TGFB2: variants seen among roughly 807,000 people sequenced by gnomAD.
TGFB2 encodes the protein transforming growth factor beta-2 proprotein.
Under a neutral mutation model 42.7 loss-of-function variants are expected in TGFB2, and 13 were observed. That is an observed-to-expected ratio of 0.30 (90% CI 0.20 to 0.48). The LOEUF is 0.48. TGFB2 is among the 20% of genes least tolerant of loss of function. TGFB2 has a pLI of 0.99. For synonymous variants in TGFB2, 193 were observed against 193.6 expected (o/e 1.00, Z 0.03); for missense variants, 390 against 517.5 (o/e 0.75, Z 2.39).
intron 1 of TGFB2, among the ~76,000 whole-genome samples, chr1:218,381,386 G>A (rs1657957103): frequency 6.6e-6 from 1 of 151,742 alleles, no homozygotes; most frequent in South Asian, 2.1e-4. Context: ...CTCCTGAGTA[G>A]GTGGGACTAC....
chr1:218,420,758 G>T (rs1223828307), intron 2 of TGFB2, among the ~76,000 whole-genome samples: 2 of 152,130 alleles, frequency 1.3e-5, no homozygotes, highest in African/African-American at 4.8e-5. Flanking sequence ...TAATACAGGT[G>T]TATATCAATG....
intron 1 of TGFB2, among the ~76,000 whole-genome samples, chr1:218,403,392 A>G (rs969194804): frequency 6.6e-6 from 1 of 152,204 alleles, no homozygotes; most frequent in Non-Finnish European, 1.5e-5. Flanking sequence ...GAAAGTTCCT[A>G]TGAAGGAAAA....
Position 218,437,450 on chromosome 1 carries a change from C to T in TGFB2, c.1040C>T (p.Ala347Val), listed in dbSNP as rs1660008259. The T allele has an allele frequency of 6.2e-7, 1 of 1,613,306 alleles. No homozygotes were observed. The highest frequency in any genetic ancestry group is 1.1e-5 in the South Asian group (1 of 90,944). ...EPKGYNANFC[A>V]GACPYLWSSD... is the part of the protein sequence containing the mutation. ...AAAGGGTACAATGCCAACTTCTGTG[C>T]TGGAGCATGCCCGTATTTATGGAGT... Residue 347 changes from alanine to valine, a missense_variant, in exon 6 of 7, where the codon GCT becomes GTT. Ala to Val is a moderately conservative substitution (Grantham distance 64, BLOSUM62 0). Coordinates refer to ENST00000366930, the MANE Select transcript of TGFB2 (RefSeq NM_003238.6).
chr1:218,409,823 G>C (rs1242354291), intron 2 of TGFB2, among the ~76,000 whole-genome samples: 2 of 152,168 alleles, frequency 1.3e-5, no homozygotes, highest in Admixed American at 1.3e-4. Context: ...GGAAAACAGG[G>C]TGACTATGAA....
intron 1 of TGFB2, among the ~76,000 whole-genome samples, chr1:218,375,438 TA>T (rs11428925): frequency 4.5e-4 from 63 of 141,354 alleles, no homozygotes; most frequent in East Asian, 1.4e-3. Flanking sequence ...GAGAGTTAAT[TA>T]AAAAAAAAAA....
At chr1:218,430,527 C>T (rs1485829723) in intron 2 of TGFB2, among the ~76,000 whole-genome samples, 1 of 152,160 alleles carries the variant, frequency 6.6e-6, no homozygotes, top group African/African-American at 2.4e-5. Flanking sequence ...AGACAGACAG[C>T]AAAGGCTAAA....
At chr1:218,359,181 G>C (rs6671843) in intron 1 of TGFB2, among the ~76,000 whole-genome samples, 3,811 of 152,246 alleles carry the variant, frequency 0.025, 170 homozygotes, top group African/African-American at 0.086. Context: ...TCTGAAGCAG[G>C]AGGTTCCACC....
chr1:218,384,412 G>C (rs1426304144), intron 1 of TGFB2, among the ~76,000 whole-genome samples: 1 of 152,182 alleles, frequency 6.6e-6, no homozygotes, highest in Non-Finnish European at 1.5e-5. Context: ...TGTATAATAA[G>C]AGGCTATCTT....
rs1347860566 is a variant in TGFB2, at chr1:218,345,925, C to T, written c.-777C>T. The stretch of plus-strand genomic sequence containing the variant: ...CCAGGGTGTAGGCCACGGAGCGCAG[C>T]TCCCAGAGCAGGATCCGCGCCGCCT... On this transcript the variant is annotated 5_prime_UTR_variant, in exon 1 of 7. Transcript: ENST00000366930. Among the ~76,000 whole-genome samples the T allele has an allele frequency of 6.6e-6, 1 of 151,986 alleles. No individual in the cohort carries two copies. The highest frequency in any genetic ancestry group is 1.5e-5 in the Non-Finnish European group (1 of 67,974).
chr1:218,396,875 A>T (rs1658528597), intron 1 of TGFB2, among the ~76,000 whole-genome samples: 1 of 152,228 alleles, frequency 6.6e-6, no homozygotes, highest in Non-Finnish European at 1.5e-5. Flanking sequence ...ACTACTGCAA[A>T]TCATAGAGGA....
chr1:218,421,922 T>C (rs1659467112), intron 2 of TGFB2, among the ~76,000 whole-genome samples: 1 of 152,120 alleles, frequency 6.6e-6, no homozygotes, highest in African/African-American at 2.4e-5. Flanking sequence ...CACCAGATGC[T>C]AGAAGAGGCA....
chr1:218,396,878 A>G (rs878942925), intron 1 of TGFB2, among the ~76,000 whole-genome samples: 1 of 152,214 alleles, frequency 6.6e-6, no homozygotes, highest in Admixed American at 6.5e-5. Context: ...ACTGCAAATC[A>G]TAGAGGAATC....
chr1:218,434,770 A>G (rs921064769), intron 4 of TGFB2, among the ~76,000 whole-genome samples: 26 of 152,198 alleles, frequency 1.7e-4, no homozygotes, highest in African/African-American at 6.0e-4. Context: ...CTGATATTAT[A>G]GAGAAAGATA....
At chr1:218,428,348 C>CA (rs1371890393) in intron 2 of TGFB2, among the ~76,000 whole-genome samples, 1 of 152,186 alleles carries the variant, frequency 6.6e-6, no homozygotes, top group African/African-American at 2.4e-5. Context: ...AATTAGATCC[C>CA]ATTTGCCAAT....
chr1:218,362,191 C>A (rs1657233283), intron 1 of TGFB2, among the ~76,000 whole-genome samples: 1 of 152,114 alleles, frequency 6.6e-6, no homozygotes, highest in Non-Finnish European at 1.5e-5. Flanking sequence ...GAGAAGAGTC[C>A]ACAAAGCCTT....
chr1:218,403,606 A>G (rs1658805895), intron 1 of TGFB2, among the ~76,000 whole-genome samples: 1 of 152,220 alleles, frequency 6.6e-6, no homozygotes, highest in South Asian at 2.1e-4. Context: ...ACTCCTGTTG[A>G]TGACCAACTA....
At chr1:218,430,948 A>T (rs1659787410) in intron 2 of TGFB2, among the ~76,000 whole-genome samples, 1 of 152,186 alleles carries the variant, frequency 6.6e-6, no homozygotes, top group South Asian at 2.1e-4. Context: ...GTCTCCAAGA[A>T]TATGAGGGAT....
intron 1 of TGFB2, among the ~76,000 whole-genome samples, chr1:218,364,407 G>C (rs1354038209): frequency 1.3e-5 from 2 of 152,180 alleles, no homozygotes; most frequent in Admixed American, 6.5e-5. Flanking sequence ...CTATATGCTG[G>C]ACGATGAGTC....
At chr1:218,376,274 G>A (rs913157615) in intron 1 of TGFB2, among the ~76,000 whole-genome samples, 2 of 152,186 alleles carry the variant, frequency 1.3e-5, no homozygotes, top group Non-Finnish European at 2.9e-5. Context: ...TGCATGAAAG[G>A]ACAATGTGTG....
Sources: allele counts gnomAD v4.1 joint callset (sites outside exome capture counted in the v4.1 genomes callset), GRCh38; gene constraint gnomAD v4.1.1; transcripts MANE v1.5; gene names NCBI Gene and HGNC (gene_info 2026-07-23, HGNC 2026-07-21).